Variants in ZNF451 observed in about 807,000 individuals in gnomAD.
The protein encoded by ZNF451 is zinc finger protein 451.
Under a neutral mutation model 107.1 loss-of-function variants are expected in ZNF451, and 80 were observed. The ratio of observed to expected loss-of-function variants is 0.75; its 90% CI spans 0.62 to 0.90. The LOEUF is 0.90. ZNF451 is among the 40% of genes least tolerant of loss of function. ZNF451 has a pLI of 0.00. For synonymous variants in ZNF451, 362 were observed against 406.5 expected (o/e 0.89, Z 1.32); for missense variants, 1,107 against 1,236.2 (o/e 0.90, Z 1.57).
At chr6:57,109,842 A>C (rs765508698) in intron 3 of ZNF451, 1 of 516,226 alleles carries the variant, frequency 1.9e-6, no homozygotes, top group Non-Finnish European at 2.5e-6. Context: ...TTGTTATTTC[A>C]TATCTGTGTT....
At chr6:57,122,548 T>C (rs1830690900) in intron 3 of ZNF451, among the ~76,000 whole-genome samples, 3 of 152,270 alleles carry the variant, frequency 2.0e-5, no homozygotes, top group South Asian at 2.1e-4. Context: ...ACCAATTCCA[T>C]TGAAAAGTGG....
chr6:57,145,649 CAGT>C (rs1832027519), intron 9 of ZNF451, among the ~76,000 whole-genome samples: 1 of 152,048 alleles, frequency 6.6e-6, no homozygotes, highest in African/African-American at 2.4e-5. Context: ...TTTTATGACT[CAGT>C]AGTATTCCAT....
intron 3 of ZNF451, chr6:57,103,990 T>G: frequency 1.0e-6 from 1 of 985,424 alleles, no homozygotes; most frequent in Non-Finnish European, 1.2e-6. Flanking sequence ...TGTATTGATC[T>G]TGTTTGTCCT....
At chr6:57,157,448 G>A (rs1275431152) in intron 13 of ZNF451, among the ~76,000 whole-genome samples, 1 of 152,108 alleles carries the variant, frequency 6.6e-6, no homozygotes, top group Admixed American at 6.6e-5. Flanking sequence ...GTTTTAGCAT[G>A]GTGGGGAGGG....
At chr6:57,167,928 A>C (rs1763970992) in intron 14 of ZNF451, among the ~76,000 whole-genome samples, 1 of 152,182 alleles carries the variant, frequency 6.6e-6, no homozygotes, top group African/African-American at 2.4e-5. Flanking sequence ...TGTGGCTATG[A>C]GTTTCACTAC....
At chr6:57,105,720 A>G (rs1445372701) in intron 3 of ZNF451, 1 of 985,248 alleles carries the variant, frequency 1.0e-6, no homozygotes, top group Admixed American at 6.2e-5. Context: ...ATTGTCTCGT[A>G]TCTAACCTTG....
At chr6:57,130,829 T>C (rs1180970177) in intron 5 of ZNF451, among the ~76,000 whole-genome samples, 1 of 152,202 alleles carries the variant, frequency 6.6e-6, no homozygotes, top group African/African-American at 2.4e-5. Context: ...TTTTGATGGC[T>C]GATAAGCTTA....
intron 14 of ZNF451, among the ~76,000 whole-genome samples, chr6:57,163,846 T>G (rs1763788416): frequency 6.6e-6 from 1 of 152,182 alleles, no homozygotes; most frequent in African/African-American, 2.4e-5. Flanking sequence ...GAGGCTATTT[T>G]GTTATAGAAT....
At chr6:57,107,088 G>C (rs1477108326) in intron 3 of ZNF451, 58 of 984,950 alleles carry the variant, frequency 5.9e-5, no homozygotes, top group Non-Finnish European at 6.5e-5. Flanking sequence ...TGGTACCATT[G>C]AGATAACTTA....
intron 3 of ZNF451, among the ~76,000 whole-genome samples, chr6:57,123,511 GGAGA>G (rs375819547): frequency 3.3e-5 from 5 of 151,804 alleles, no homozygotes; most frequent in Non-Finnish European, 5.9e-5. Context: ...GACTCCAAAA[GGAGA>G]GAGAGAGAGG....
At chr6:57,095,091 T>C (rs1829224448) in intron 2 of ZNF451, among the ~76,000 whole-genome samples, 4 of 152,296 alleles carry the variant, frequency 2.6e-5, no homozygotes, top group Admixed American at 2.6e-4. Context: ...CATGGAAGTT[T>C]TTCCATATTC....
intron 3 of ZNF451, chr6:57,105,144 C>A: frequency 1.0e-6 from 1 of 985,394 alleles, no homozygotes; most frequent in Non-Finnish European, 1.2e-6. Flanking sequence ...CTGCCATGTT[C>A]AGAACCTGCA....
In ZNF451 at chr6:57,092,154, T is replaced by C. The variant is rs368977698; in HGVS notation, c.105+1260T>C. On this transcript the variant is annotated intron_variant, in intron 2 of 14. Transcript: ENST00000370706. ...ATTTGTGAAGAGAATTTTTTTCTTATGGTGTTTAGTAGAAATAATACTAGG... is the reference window on the plus strand; with the variant it reads ...ATTTGTGAAGAGAATTTTTTTCTTACGGTGTTTAGTAGAAATAATACTAGG... Among the ~76,000 whole-genome samples the C allele has an allele frequency of 1.4e-4, 22 of 152,222 alleles. No individual in the cohort carries two copies. In the East Asian group the frequency reaches 1.9e-3, roughly 13 times the overall value.
At chr6:57,102,328 A>G in intron 3 of ZNF451, 1 of 1,206,884 alleles carries the variant, frequency 8.3e-7, no homozygotes, top group Non-Finnish European at 1.0e-6. Flanking sequence ...AGGGTTGGAC[A>G]AATGTTTATC....
Sources: gnomAD v4.1 joint callset for allele counts (sites outside exome capture counted in the v4.1 genomes callset) on GRCh38, gnomAD v4.1.1 for gene constraint, MANE v1.5 for transcripts, NCBI Gene and HGNC (gene_info 2026-07-23, HGNC 2026-07-21) for gene names.